The following PDE11A variants were observed in gnomAD, a reference collection of about 807,000 sequenced individuals.
The protein encoded by PDE11A is phosphodiesterase 11A.
Under a neutral mutation model 100.5 loss-of-function variants are expected in PDE11A, and 100 were observed. That is an observed-to-expected ratio of 1.00 (90% CI 0.85 to 1.18). The LOEUF (loss-of-function observed/expected upper bound fraction) is 1.18. Among genes scored for constraint, PDE11A ranks in the 50% most tolerant of loss-of-function variants. The probability of loss-of-function intolerance (pLI) is 0.00; values close to 1 mark genes in which losing one functional copy is unlikely to be tolerated. For missense variants in PDE11A, 1,141 were observed against 1,152.6 expected, an observed-to-expected ratio of 0.99 and a Z score of 0.15; for synonymous variants, 381 against 420.8, an observed-to-expected ratio of 0.91 and a Z score of 1.16.
chr2:177,910,327 G>A (rs1316079271), intron 2 of PDE11A, among the ~76,000 whole-genome samples: 1 of 152,110 alleles, frequency 6.6e-6, no homozygotes, highest in Non-Finnish European at 1.5e-5. Flanking sequence ...AAGAAAAACT[G>A]AAGCAGTGTA....
chr2:177,796,637 T>G (rs1367569634), intron 9 of PDE11A, among the ~76,000 whole-genome samples: 1 of 152,178 alleles, frequency 6.6e-6, no homozygotes, highest in Non-Finnish European at 1.5e-5. Context: ...CACCTTTTGA[T>G]AGCAGCATCC....
Position 177,720,549 on chromosome 2 carries a change from G to A in PDE11A, c.2043+7109C>T, listed in dbSNP as rs570450618. ...ATGGGTCTGCTGAAGAGAAAAGGGG[G>A]CACCTTAGCCCCATTTTGAGGTCCA... On this transcript the variant is annotated intron_variant, in intron 12 of 19. Coordinates refer to ENST00000286063, the MANE Select transcript of PDE11A (RefSeq NM_016953.4). Among the ~76,000 whole-genome samples, 7 of 152,204 alleles carry A rather than the reference G, an allele frequency of 4.6e-5. No individual in the cohort carries two copies. The East Asian group carries it at 1.4e-3, about 29-fold the overall frequency.
intron 15 of PDE11A, among the ~76,000 whole-genome samples, chr2:177,686,534 T>A (rs2080953942): frequency 6.6e-6 from 1 of 151,892 alleles, no homozygotes. Context: ...ACCACTGCAC[T>A]CCAGCCTGGG....
intron 2 of PDE11A, among the ~76,000 whole-genome samples, chr2:177,956,124 C>T (rs2085558750): frequency 6.6e-6 from 1 of 151,974 alleles, no homozygotes; most frequent in East Asian, 1.9e-4. Flanking sequence ...GAACAGGCAA[C>T]CTACAGAATG....
chr2:177,629,704 T>A, intron 19 of PDE11A, 142 bp from the exon 20 acceptor site: 1 of 837,822 alleles, frequency 1.2e-6, no homozygotes, highest in Non-Finnish European at 2.0e-6. Context: ...ACAAGAGCTA[T>A]TTACAAGAAG....
chr2:178,021,543 T>C (rs774704480), intron 1 of PDE11A, among the ~76,000 whole-genome samples: 3 of 152,078 alleles, frequency 2.0e-5, no homozygotes, highest in Non-Finnish European at 4.4e-5. Flanking sequence ...GGAAAATAAT[T>C]AGATAAAGGA....
At chr2:177,705,836 T>C (rs539889866) in intron 13 of PDE11A, among the ~76,000 whole-genome samples, 3 of 152,306 alleles carry the variant, frequency 2.0e-5, no homozygotes, top group Middle Eastern at 3.4e-3. Flanking sequence ...AGCGACAAGA[T>C]GGGTTTTCAT....
At chr2:178,008,305 T>C (rs1440202149) in intron 2 of PDE11A, among the ~76,000 whole-genome samples, 2 of 152,160 alleles carry the variant, frequency 1.3e-5, no homozygotes, top group Admixed American at 6.5e-5. Context: ...ACAGAAGAAA[T>C]CTCTTTGCTC....
At chr2:177,903,641 T>C (rs1558999309) in intron 3 of PDE11A, among the ~76,000 whole-genome samples, 1 of 151,984 alleles carries the variant, frequency 6.6e-6, no homozygotes, top group Non-Finnish European at 1.5e-5. Context: ...CATAATACAG[T>C]GTGATAAGTA....
At chr2:177,941,651 C>G (rs1161457839) in intron 2 of PDE11A, among the ~76,000 whole-genome samples, 1 of 152,194 alleles carries the variant, frequency 6.6e-6, no homozygotes, top group African/African-American at 2.4e-5. Flanking sequence ...ATTACACCAG[C>G]TGCCCTCTCC....
At chr2:177,894,906 C>T (rs954927356) in intron 4 of PDE11A, among the ~76,000 whole-genome samples, 3 of 152,096 alleles carry the variant, frequency 2.0e-5, no homozygotes, top group African/African-American at 7.2e-5. Context: ...CGGACCAAAC[C>T]AATATACACC....
At chr2:177,940,777 G>C (rs376277102) in intron 2 of PDE11A, among the ~76,000 whole-genome samples, 1 of 152,164 alleles carries the variant, frequency 6.6e-6, no homozygotes. Context: ...TTCATTCCCT[G>C]CACTTGAATA....
intron 12 of PDE11A, among the ~76,000 whole-genome samples, chr2:177,716,024 C>T (rs1483607958): frequency 2.0e-5 from 3 of 152,222 alleles, no homozygotes; most frequent in African/African-American, 7.2e-5. Context: ...ACTTTCCAAT[C>T]TGTTGCCTGG....
chr2:178,035,747 C>T (rs569406531), intron 1 of PDE11A, among the ~76,000 whole-genome samples: 2 of 152,116 alleles, frequency 1.3e-5, no homozygotes, highest in African/African-American at 4.8e-5. Context: ...AAATGTAATC[C>T]ATCACATAAA....
At chr2:177,921,498 T>C (rs991069468) in intron 2 of PDE11A, among the ~76,000 whole-genome samples, 5 of 151,750 alleles carry the variant, frequency 3.3e-5, no homozygotes, top group Non-Finnish European at 5.9e-5. Context: ...AAAAAACATG[T>C]TTATCATGGC....
intron 1 of PDE11A, among the ~76,000 whole-genome samples, chr2:178,053,470 C>T (rs6754385): frequency 0.2 from 30,356 of 152,148 alleles, 3,825 homozygotes; most frequent in African/African-American, 0.36. Flanking sequence ...GGGATGCCCT[C>T]TCTCACCACT....
intron 5 of PDE11A, among the ~76,000 whole-genome samples, chr2:177,854,816 C>T (rs558572042): frequency 1.2e-4 from 19 of 152,220 alleles, no homozygotes; most frequent in Non-Finnish European, 2.4e-4. Context: ...TCAGCCACCT[C>T]CTTGCCAGAA....
chr2:177,761,054 C>T lies in PDE11A; in HGVS notation c.1788+8269G>A, dbSNP rs115584961. ...AATAGGTTTAAAAAAATTTAGTCAG[C>T]AGGGTGGTGGTAGGAGGATACATGA... On this transcript the variant is annotated intron_variant, in intron 10 of 19. Coordinates refer to ENST00000286063, the MANE Select transcript of PDE11A (RefSeq NM_016953.4). 2.1e-3 allele frequency among the ~76,000 whole-genome samples: 327 copies of T among 152,166 alleles called. 1 individual carries two copies. The highest frequency in any genetic ancestry group is 7.5e-3 in the African/African-American group (312 of 41,530).
At chr2:177,968,127 AT>A (rs2085721930) in intron 2 of PDE11A, among the ~76,000 whole-genome samples, 1 of 152,150 alleles carries the variant, frequency 6.6e-6, no homozygotes, top group African/African-American at 2.4e-5. Context: ...GCTAATTCTT[AT>A]TTATCCCCTA....
Sources: allele counts gnomAD v4.1 joint callset (sites outside exome capture counted in the v4.1 genomes callset), GRCh38; gene constraint gnomAD v4.1.1; transcripts MANE v1.5; gene names NCBI Gene and HGNC (gene_info 2026-07-23, HGNC 2026-07-21).